Variants in MATCAP2 observed in about 807,000 individuals in gnomAD.
MATCAP2 encodes the protein microtubule associated tyrosine carboxypeptidase 2.
the MATCAP2 span, among the ~76,000 whole-genome samples, chr7:36,351,859 T>C: frequency 6.7e-6 from 1 of 150,086 alleles, no homozygotes; most frequent in South Asian, 2.1e-4. Context: ...GGTGGGAGGA[T>C]TGCTTGCACC....
the MATCAP2 span, chr7:36,326,774 T>C: frequency 6.2e-7 from 1 of 1,613,256 alleles, no homozygotes; most frequent in Non-Finnish European, 8.5e-7. Context: ...ATAAGATCTT[T>C]CAGTTCCCTG....
chr7:36,336,913 G>A, the MATCAP2 span, among the ~76,000 whole-genome samples: 1 of 151,382 alleles, frequency 6.6e-6, no homozygotes, highest in Non-Finnish European at 1.5e-5. Context: ...TGGTCCACAT[G>A]GTGAAACCCT....
At chr7:36,349,392 CAA>C in the MATCAP2 span, among the ~76,000 whole-genome samples, 1 of 152,114 alleles carries the variant, frequency 6.6e-6, no homozygotes, top group African/African-American at 2.4e-5. Flanking sequence ...CAAAATATTT[CAA>C]AATATTATAT....
chr7:36,362,951 G>T, the MATCAP2 span, among the ~76,000 whole-genome samples: 1 of 152,290 alleles, frequency 6.6e-6, no homozygotes, highest in South Asian at 2.1e-4. Context: ...CGTCAACAAT[G>T]AAATTATAAG....
At chr7:36,369,612 A>C in the MATCAP2 span, among the ~76,000 whole-genome samples, 3 of 152,210 alleles carry the variant, frequency 2.0e-5, no homozygotes, top group Non-Finnish European at 2.9e-5. Flanking sequence ...ATTATATTTT[A>C]AGTAACCAAG....
the MATCAP2 span, among the ~76,000 whole-genome samples, chr7:36,332,361 A>G: frequency 6.6e-6 from 1 of 152,168 alleles, no homozygotes; most frequent in African/African-American, 2.4e-5. Context: ...TATATCAACA[A>G]ATTTTCTTCT....
chr7:36,352,559 G>A, the MATCAP2 span, among the ~76,000 whole-genome samples: 1 of 151,686 alleles, frequency 6.6e-6, no homozygotes, highest in Non-Finnish European at 1.5e-5. Context: ...CGGGCACGGT[G>A]GCTCATGCCT....
chr7:36,326,781 C>T, the MATCAP2 span: 1 of 1,612,802 alleles, frequency 6.2e-7, no homozygotes, highest in African/African-American at 1.3e-5. Context: ...CTTTCAGTTC[C>T]CTGTCAGTCA....
At chr7:36,330,199 C>A in the MATCAP2 span, among the ~76,000 whole-genome samples, 2 of 151,940 alleles carry the variant, frequency 1.3e-5, no homozygotes, top group Non-Finnish European at 2.9e-5. Flanking sequence ...GACCCTCCCA[C>A]CTCAGCTTCC....
chr7:36,389,675 C>T, the MATCAP2 span: 10 of 240,564 alleles, frequency 4.2e-5, no homozygotes, highest in Admixed American at 5.7e-4. Flanking sequence ...CGCCCCGCTG[C>T]CCGCCTCCAC....
chr7:36,351,889 T>C, the MATCAP2 span, among the ~76,000 whole-genome samples: 1 of 142,316 alleles, frequency 7.0e-6, no homozygotes, highest in Non-Finnish European at 1.5e-5. Context: ...AAGGCTGCAG[T>C]GAGCCATGTT....
chr7:36,380,173 G>T, the MATCAP2 span, among the ~76,000 whole-genome samples: 16 of 152,186 alleles, frequency 1.1e-4, no homozygotes, highest in Non-Finnish European at 2.2e-4. Flanking sequence ...GGAGTAGGAT[G>T]AGCATGCCAT....
chr7:36,348,208 A>G, the MATCAP2 span, among the ~76,000 whole-genome samples: 6 of 152,354 alleles, frequency 3.9e-5, no homozygotes, highest in Admixed American at 3.9e-4. Context: ...AAAGCAAGAT[A>G]CTAAATGAGT....
the MATCAP2 span, chr7:36,336,228 C>T: frequency 6.5e-7 from 1 of 1,534,838 alleles, no homozygotes; most frequent in South Asian, 1.2e-5. Flanking sequence ...AGCAAGCTAC[C>T]ACCAGTGGCT....
chr7:36,363,905 T>C, the MATCAP2 span, among the ~76,000 whole-genome samples: 4 of 152,180 alleles, frequency 2.6e-5, no homozygotes, highest in African/African-American at 9.7e-5. Flanking sequence ...TCAGCTCCTA[T>C]AGAAACACCG....
the MATCAP2 span, chr7:36,390,315 C>G: frequency 1.9e-6 from 1 of 525,800 alleles, no homozygotes. Context: ...CTTTCAGCCC[C>G]CGTTTTTACC....
the MATCAP2 span, chr7:36,357,449 C>A: frequency 6.2e-7 from 1 of 1,614,128 alleles, no homozygotes; most frequent in Non-Finnish European, 8.5e-7. Flanking sequence ...GACATTGTAA[C>A]TACTGGTTCC....
At chr7:36,357,316 C>G in the MATCAP2 span, 5 of 1,614,182 alleles carry the variant, frequency 3.1e-6, no homozygotes, top group Admixed American at 8.3e-5. Context: ...GGGCTTTCAT[C>G]CTGCGAGGAT....
chr7:36,335,544 A>G, the MATCAP2 span, among the ~76,000 whole-genome samples: 1 of 152,252 alleles, frequency 6.6e-6, no homozygotes, highest in South Asian at 2.1e-4. Context: ...TTTGAGACTG[A>G]CCACTAAGAA....
Sources: gnomAD v4.1 joint callset for allele counts (sites outside exome capture counted in the v4.1 genomes callset) on GRCh38, gnomAD v4.1.1 for gene constraint, MANE v1.5 for transcripts, NCBI Gene and HGNC (gene_info 2026-07-23, HGNC 2026-07-21) for gene names.